COPS6: variants seen among roughly 807,000 people sequenced by gnomAD.
The protein encoded by COPS6 is COP9 signalosome subunit 6, also known as COP9 signalosome complex subunit 6.
COPS6 carries 9 observed loss-of-function variants against 41.0 expected under a neutral mutation model. The observed-to-expected ratio is 0.22, with a 90% CI of 0.13 to 0.38. COPS6 has a LOEUF of 0.38. Among genes scored for constraint, COPS6 ranks in the 10% least tolerant of loss-of-function variants. COPS6 has a pLI of 1.00. For missense variants in COPS6, 302 were observed against 436.7 expected (o/e 0.69, Z 2.75); for synonymous variants, 179 against 162.9 (o/e 1.10, Z -0.75).
chr7:100,089,306 G>C lies in COPS6; in HGVS notation c.93G>C (p.Met31Ile). ...EVDAAVVPSV[M>I]ACGVTGSVSV... ...CACCCTTAGTAGTCCCCAGCGTGAT[G>C]GCCTGCGGAGTGACTGGGAGTGTTT... The change falls in exon 2 of 10, where the codon ATG (methionine) becomes ATC (isoleucine). Residue 31 changes from methionine (M) to isoleucine (I), a missense_variant. Coordinates refer to ENST00000303904, the MANE Select transcript of COPS6 (RefSeq NM_006833.5). 1 of 1,614,048 alleles carries C rather than the reference G, an allele frequency of 6.2e-7. No individual in the cohort carries two copies.
rs369196927 is a variant in COPS6 at position 100,091,570 on chromosome 7, C to T, written c.843+50C>T. 28 of 1,613,556 alleles carry T rather than the reference C, an allele frequency of 1.7e-5. No homozygotes were observed. Among genetic ancestry groups the T allele is most frequent in the Middle Eastern group, 3.3e-4 (2 of 6,084 alleles). On this transcript the variant is annotated intron_variant, in intron 9 of 9. Transcript: ENST00000303904. The surrounding 1 kb of genome is among the most constrained non-coding windows in gnomAD (Gnocchi z 4.1). ...GGCGGGGCTTATGCTGTCACTTTCA[C>T]GTGCAGGACTGGGGACTGTTGTTCC...
Position 100,091,524 on chromosome 7 carries a change from A to G in COPS6, c.843+4A>G, listed in dbSNP as rs1320466140. 2 of 1,613,862 alleles carry G rather than the reference A, an allele frequency of 1.2e-6. No individual in the cohort carries two copies. The highest frequency in any genetic ancestry group is 1.7e-6 in the Non-Finnish European group (2 of 1,179,914). On this transcript the variant is annotated splice_donor_region_variant and intron_variant, in intron 9 of 9. Transcript: ENST00000303904. This position sits in a 1 kb window ranked among gnomAD's most constrained non-coding sequence, Gnocchi z 4.1. ...GTTCAAGACAGATTTTTATGATGTG[A>G]GTGTAAAACCCGGATGGGGAGGCGG...
chr7:100,091,635 C>T lies in COPS6; in HGVS notation c.844-14C>T. On this transcript the variant is annotated splice_polypyrimidine_tract_variant and intron_variant, in intron 9 of 9. Transcript: ENST00000303904. The surrounding 1 kb of genome is among the most constrained non-coding windows in gnomAD (Gnocchi z 4.1). ...AGGGATCCCGAGGAACTGGTCCTTT[C>T]TGTTCCCTCCCAGCAATGCAACGAC... 1.2e-6 allele frequency: 2 copies of T among 1,614,232 alleles called. No homozygotes were observed. The highest frequency in any genetic ancestry group is 1.7e-6 in the Non-Finnish European group (2 of 1,180,048).
At chr7:100,089,511 C>T in intron 2 of COPS6, 96 bp downstream of exon 2, 2 of 1,601,510 alleles carry the variant, frequency 1.2e-6, no homozygotes, top group Non-Finnish European at 1.7e-6. Flanking sequence ...ATTCCCCCTC[C>T]CCCAAATCAT....
intron 2 of COPS6, 74 bp downstream of exon 2, chr7:100,089,489 C>T: frequency 6.2e-7 from 1 of 1,605,618 alleles, no homozygotes; most frequent in South Asian, 1.1e-5. Context: ...TCCCCTTCCT[C>T]TACTGGAGCC....
At chr7:100,089,454 T>G in intron 2 of COPS6, 39 bp downstream of exon 2, 1 of 1,612,970 alleles carries the variant, frequency 6.2e-7, no homozygotes, top group Non-Finnish European at 8.5e-7. Context: ...TTCTCCTTGC[T>G]CACCTCCCCC....
In COPS6 at chr7:100,090,491, T is replaced by C; in HGVS notation, c.423+4T>C. 1 of 1,613,652 alleles carries C rather than the reference T, an allele frequency of 6.2e-7. No individual in the cohort carries two copies. Among genetic ancestry groups the C allele is most frequent in the Non-Finnish European group, 8.5e-7 (1 of 1,179,586 alleles). The stretch of plus-strand genomic sequence containing the variant: ...GGACATCCACGTCCATAAGCAGGTA[T>C]GCATGCTCACACCTGTGCATGCTGG... On this transcript the variant is annotated splice_donor_region_variant and intron_variant, in intron 4 of 9. Transcript: ENST00000303904.
chr7:100,092,172 A>G lies in COPS6; in HGVS notation c.*383A>G, dbSNP rs995577467. On this transcript the variant is annotated 3_prime_UTR_variant, in exon 10 of 10. Coordinates refer to ENST00000303904, the MANE Select transcript of COPS6 (RefSeq NM_006833.5). Reference sequence around the variant, plus strand: ...ACCTAGCCCACCCAACCTTATAAACATGATAATTGACTACTTTCCTGAGCT... The same window carrying G: ...ACCTAGCCCACCCAACCTTATAAACGTGATAATTGACTACTTTCCTGAGCT... The G allele has an allele frequency of 5.3e-6, 1 of 187,926 alleles. No homozygotes were observed. Among genetic ancestry groups the G allele is most frequent in the Non-Finnish European group, 1.1e-5 (1 of 90,964 alleles). The allele number at this position is 187,926 out of a possible 1,614,324, so 11.6% of individuals were successfully genotyped here. A position where few individuals can be genotyped will look rare whatever the true frequency, so the allele number is the denominator to read the frequency against.
chr7:100,090,406 G>C lies in COPS6; in HGVS notation c.342G>C (p.Gln114His). The change falls in exon 4 of 10, where the codon CAG (glutamine) becomes CAC (histidine). Residue 114 changes from glutamine to histidine, a missense_variant. Gln to His is a conservative substitution (Grantham distance 24). Around this residue, in one of 3 missense-constraint regions of COPS6, gnomAD observed 222 missense variants for 309.0 expected, o/e 0.72. Transcript: ENST00000303904. ...TGGCCCCTTCCCCTCTAGTTAAACA[G>C]GTGTTCAAGGAGCTGGAGTTTCTGG... ...YYYTKEEQFK[Q>H]VFKELEFLGW... is the part of the protein sequence containing the mutation. The C allele has an allele frequency of 6.2e-7, 1 of 1,612,236 alleles. No individual in the cohort carries two copies. The highest frequency in any genetic ancestry group is 8.5e-7 in the Non-Finnish European group (1 of 1,178,572).
In COPS6 at chr7:100,088,992, T is replaced by TGGCGGCGGC. The variant is rs571882095; in HGVS notation, c.15_23dup (p.Ala8_Ala10dup). 2.0e-4 allele frequency: 265 copies of TGGCGGCGGC among 1,309,466 alleles called. 1 individual carries two copies. The highest frequency in any genetic ancestry group is 7.7e-4 in the Admixed American group (19 of 24,744). 81.1% of individuals were successfully genotyped at this position (1,309,466 alleles called of 1,614,324 possible). A position where few individuals can be genotyped will look rare whatever the true frequency, so the allele number is the denominator to read the frequency against. ...CCGAGGCTGGCGGGCGCGGGGAAAA[T>TGGCGGCGGC]GGCGGCGGCGGCGGCGGCGGCTGCA... is the stretch of plus-strand genomic sequence containing the variant. On this transcript the variant is annotated inframe_insertion, in exon 1 of 10. Coordinates refer to ENST00000303904, the MANE Select transcript of COPS6 (RefSeq NM_006833.5).
intron 2 of COPS6, 81 bp from the exon 3 acceptor site, chr7:100,089,534 A>G (rs1795282903): frequency 1.9e-6 from 3 of 1,599,684 alleles, no homozygotes; most frequent in South Asian, 2.2e-5. Context: ...TTTCCCCAAT[A>G]CATGGTTCCC....
At position 100,090,961 on chromosome 7, in the gene COPS6, C is replaced by G. The variant is rs1339447348; in HGVS notation, c.534+12C>G. The G allele has an allele frequency of 6.2e-7, 1 of 1,613,936 alleles. No individual in the cohort carries two copies. The highest frequency in any genetic ancestry group is 1.3e-5 in the African/African-American group (1 of 74,934). On this transcript the variant is annotated intron_variant, in intron 6 of 9. Transcript: ENST00000303904. Reference sequence around the variant, plus strand: ...TAATCAATGGAGAGGTAATACCCTACCCTTCAACCCTCAGATCCTGCTCTT... The same window carrying G: ...TAATCAATGGAGAGGTAATACCCTAGCCTTCAACCCTCAGATCCTGCTCTT...
In COPS6 at chr7:100,089,048, A is replaced by T; in HGVS notation, c.58A>T (p.Met20Leu). The change falls in exon 1 of 10, where the codon ATG becomes TTG. Residue 20 changes from methionine to leucine, a missense_variant. Physicochemically the swap from Met to Leu is conservative, Grantham distance 15. Coordinates refer to ENST00000303904, the MANE Select transcript of COPS6 (RefSeq NM_006833.5). ...GAACGGGACCGGAGGAAGCAGCGGG[A>T]TGGAGGTGGATGCAGCAGGTAACGG... ...ATNGTGGSSG[M>L]EVDAAVVPSV... is the part of the protein sequence containing the mutation. The T allele has an allele frequency of 7.2e-7, 1 of 1,380,630 alleles. No individual in the cohort carries two copies. The highest frequency in any genetic ancestry group is 9.4e-7 in the Non-Finnish European group (1 of 1,065,358). 85.5% of individuals were successfully genotyped at this position (1,380,630 alleles called of 1,614,324 possible). A position where few individuals can be genotyped will look rare whatever the true frequency, so the allele number is the denominator to read the frequency against.
At chr7:100,090,814 G>A in intron 5 of COPS6, 88 bp from the exon 6 acceptor site, 1 of 1,524,016 alleles carries the variant, frequency 6.6e-7, no homozygotes, top group African/African-American at 1.4e-5. Flanking sequence ...TACTTCATTG[G>A]TTTCTTGGGA....
In COPS6 at chr7:100,089,521, T is replaced by G. The variant is rs553341823; in HGVS notation, c.203-94T>G. The G allele has an allele frequency of 7.7e-4, 1,236 of 1,601,170 alleles. 26 individuals are homozygous for G. In the South Asian group the frequency reaches 0.013, roughly 17 times the overall value. ...AGCCAATTCCCCCTCCCCCAAATCA[T>G]CGTTTCCCCAATACATGGTTCCCAC... On this transcript the variant is annotated intron_variant, in intron 2 of 9. Transcript: ENST00000303904.
In COPS6 at chr7:100,092,026, C is replaced by T; in HGVS notation, c.*237C>T. The T allele has an allele frequency of 3.6e-6, 2 of 559,430 alleles. No homozygotes were observed. The highest frequency in any genetic ancestry group is 6.4e-6 in the Non-Finnish European group (2 of 314,232). 34.7% of individuals were successfully genotyped at this position (559,430 alleles called of 1,614,324 possible). On this transcript the variant is annotated 3_prime_UTR_variant, in exon 10 of 10. Coordinates refer to ENST00000303904, the MANE Select transcript of COPS6 (RefSeq NM_006833.5). ...CTGATGCTCTTCAGTGAGGGAGGCA[C>T]TACCATTTGAAGTGACCCCATGTCA...
At position 100,092,167 on chromosome 7, in the gene COPS6, T is replaced by C; in HGVS notation, c.*378T>C. The C allele has an allele frequency of 5.0e-6, 1 of 199,652 alleles. No homozygotes were observed. The highest frequency in any genetic ancestry group is 1.0e-5 in the Non-Finnish European group (1 of 98,058). The allele number at this position is 199,652 out of a possible 1,614,324, so 12.4% of individuals were successfully genotyped here. ...ATCTTACCTAGCCCACCCAACCTTA[T>C]AAACATGATAATTGACTACTTTCCT... On this transcript the variant is annotated 3_prime_UTR_variant, in exon 10 of 10. Transcript: ENST00000303904.
intron 6 of COPS6, 28 bp downstream of exon 6, chr7:100,090,977 TC>T: frequency 6.2e-7 from 1 of 1,614,018 alleles, no homozygotes; most frequent in Non-Finnish European, 8.5e-7. Flanking sequence ...AACCCTCAGA[TC>T]CTGCTCTTGG....
chr7:100,091,588 G>A lies in COPS6; in HGVS notation c.844-61G>A, dbSNP rs1562889253. 5 of 1,613,614 alleles carry A rather than the reference G, an allele frequency of 3.1e-6. No individual in the cohort carries two copies. Among genetic ancestry groups the A allele is most frequent in the Non-Finnish European group, 2.5e-6 (3 of 1,179,652 alleles). ...ACTTTCACGTGCAGGACTGGGGACT[G>A]TTGTTCCCCGGGCATGCCACGAGGG... On this transcript the variant is annotated intron_variant, in intron 9 of 9. Transcript: ENST00000303904. This position sits in a 1 kb window ranked among gnomAD's most constrained non-coding sequence, Gnocchi z 4.1.
Sources: gnomAD v4.1 joint callset for allele counts on GRCh38, gnomAD v4.1.1 for gene constraint, gnomAD v4.1.1 regional missense constraint, Gnocchi (gnomAD v3.1) non-coding constraint, MANE v1.5 for transcripts, NCBI Gene and HGNC (gene_info 2026-07-23, HGNC 2026-07-21) for gene names.